ME1: variants seen among roughly 807,000 people sequenced by gnomAD.
ME1 encodes malic enzyme 1.
In ME1, 74 loss-of-function variants were observed where a neutral mutation model predicts 66.4. The observed-to-expected ratio is 1.11, with a 90% CI of 0.92 to 1.35. The LOEUF is 1.35. ME1 is among the 40% of genes most tolerant of loss of function. ME1 has a pLI of 0.00. For missense variants in ME1, 750 were observed against 694.1 expected (o/e 1.08, Z -0.90); for synonymous variants, 251 against 235.6 (o/e 1.07, Z -0.60).
rs1384690488 is a variant in ME1, at chr6:83,283,207, G to A, written c.705-29469C>T. 5.9e-5 allele frequency among the ~76,000 whole-genome samples: 5 copies of A among 84,810 alleles called. 1 individual carries two copies. The highest frequency in any genetic ancestry group is 4.8e-5 in the African/African-American group (1 of 20,870). The allele number at this position is 84,810 out of a possible 152,430, so 55.6% of individuals were successfully genotyped here. On this transcript the variant is annotated intron_variant, in intron 6 of 13. Transcript: ENST00000369705. ...CGCGCCACTGCACTCCAGCCTGGGCGACAGAGCAAGACTCCGTCTCAAAAA... is the reference window on the plus strand; with the variant it reads ...CGCGCCACTGCACTCCAGCCTGGGCAACAGAGCAAGACTCCGTCTCAAAAA...
At chr6:83,296,840 T>C (rs531008304) in intron 6 of ME1, among the ~76,000 whole-genome samples, 6 of 152,282 alleles carry the variant, frequency 3.9e-5, no homozygotes, top group African/African-American at 1.4e-4. Flanking sequence ...AAAATCAATG[T>C]ACAAAAATCA....
At chr6:83,223,516 C>T (rs973277875) in intron 12 of ME1, among the ~76,000 whole-genome samples, 1 of 152,180 alleles carries the variant, frequency 6.6e-6, no homozygotes, top group Non-Finnish European at 1.5e-5. Context: ...TGTGTGAAGA[C>T]ACAAAAATGT....
chr6:83,272,679 AAATGC>A (rs1244949422), intron 6 of ME1, among the ~76,000 whole-genome samples: 1 of 152,190 alleles, frequency 6.6e-6, no homozygotes, highest in East Asian at 1.9e-4. Context: ...TCAAACAACT[AAATGC>A]AAGATAAAGC....
chr6:83,268,118 C>A (rs978810286), intron 6 of ME1, among the ~76,000 whole-genome samples: 2 of 152,070 alleles, frequency 1.3e-5, no homozygotes, highest in African/African-American at 4.8e-5. Context: ...AGCTGAACTG[C>A]AGAACAGATC....
chr6:83,366,044 G>C (rs1223777450), intron 3 of ME1, among the ~76,000 whole-genome samples: 1 of 152,080 alleles, frequency 6.6e-6, no homozygotes, highest in South Asian at 2.1e-4. Context: ...TCCTTGCTTT[G>C]CTCCAATCCT....
chr6:83,331,928 C>G (rs1199720246), intron 5 of ME1, among the ~76,000 whole-genome samples: 1 of 152,056 alleles, frequency 6.6e-6, no homozygotes, highest in East Asian at 1.9e-4. Context: ...AGTCAAATAG[C>G]AAGCCTCAAT....
At chr6:83,392,569 G>A (rs138935361) in intron 3 of ME1, 40 of 557,600 alleles carry the variant, frequency 7.2e-5, no homozygotes, top group Middle Eastern at 5.8e-4. Context: ...GTATAATTCC[G>A]CCCATGGCAA....
At chr6:83,367,956 T>C (rs1485465794) in intron 3 of ME1, among the ~76,000 whole-genome samples, 1 of 152,190 alleles carries the variant, frequency 6.6e-6, no homozygotes, top group African/African-American at 2.4e-5. Context: ...TTCCAGATTT[T>C]GTTTTAAACT....
chr6:83,364,418 G>C (rs1438799346), intron 3 of ME1, among the ~76,000 whole-genome samples: 1 of 152,028 alleles, frequency 6.6e-6, no homozygotes, highest in African/African-American at 2.4e-5. Context: ...CATTAGTTCT[G>C]TCCCTCTAGA....
At chr6:83,290,119 C>CTA (rs1274545607) in intron 6 of ME1, among the ~76,000 whole-genome samples, 1 of 151,980 alleles carries the variant, frequency 6.6e-6, no homozygotes, top group Non-Finnish European at 1.5e-5. Context: ...TTTTGTGTCT[C>CTA]TATCTCCTTC....
chr6:83,247,623 G>T (rs1228065839), intron 7 of ME1, among the ~76,000 whole-genome samples: 2 of 151,802 alleles, frequency 1.3e-5, no homozygotes, highest in Non-Finnish European at 2.9e-5. Flanking sequence ...TATTTTTGTT[G>T]GCACTGGAAT....
chr6:83,427,941 G>A (rs901445651), intron 1 of ME1, among the ~76,000 whole-genome samples: 2 of 151,754 alleles, frequency 1.3e-5, no homozygotes, highest in African/African-American at 4.8e-5. Context: ...GAACCCAGGA[G>A]GTAGAGTTTG....
chr6:83,320,123 A>C (rs1768124110), intron 5 of ME1, among the ~76,000 whole-genome samples: 1 of 152,208 alleles, frequency 6.6e-6, no homozygotes, highest in Non-Finnish European at 1.5e-5. Context: ...ATGTGGAGAA[A>C]GGTCCAGCTG....
intron 6 of ME1, among the ~76,000 whole-genome samples, chr6:83,307,768 T>C (rs1767853407): frequency 6.7e-6 from 1 of 148,200 alleles, no homozygotes; most frequent in African/African-American, 2.6e-5. Flanking sequence ...AAGCCAGGGA[T>C]TTAGTGTAGA....
intron 12 of ME1, among the ~76,000 whole-genome samples, chr6:83,218,483 C>T (rs1054297707): frequency 6.6e-6 from 1 of 152,134 alleles, no homozygotes; most frequent in Non-Finnish European, 1.5e-5. Context: ...GAGAGCCAGA[C>T]AGACAGGGTG....
chr6:83,275,878 T>C (rs1767172233), intron 6 of ME1, among the ~76,000 whole-genome samples: 1 of 143,162 alleles, frequency 7.0e-6, no homozygotes, highest in African/African-American at 2.6e-5. Context: ...GTTCACGCCA[T>C]TCTGCCTCAG....
At chr6:83,409,494 G>A (rs1770006411) in intron 1 of ME1, among the ~76,000 whole-genome samples, 1 of 152,176 alleles carries the variant, frequency 6.6e-6, no homozygotes, top group Non-Finnish European at 1.5e-5. Flanking sequence ...GAATAAACAC[G>A]TCCAAACCCA....
At chr6:83,393,156 C>T (rs1199031840) in intron 3 of ME1, 1 of 1,321,276 alleles carries the variant, frequency 7.6e-7, no homozygotes, top group Non-Finnish European at 1.1e-6. Flanking sequence ...TCTGGAAAAA[C>T]CTACCAAATA....
chr6:83,363,824 A>G (rs1181281180), intron 3 of ME1, among the ~76,000 whole-genome samples: 1 of 152,230 alleles, frequency 6.6e-6, no homozygotes, highest in African/African-American at 2.4e-5. Context: ...ACTGCGCATC[A>G]GCATTTAAGT....
Sources: gnomAD v4.1 joint callset for allele counts (sites outside exome capture counted in the v4.1 genomes callset) on GRCh38, gnomAD v4.1.1 for gene constraint, MANE v1.5 for transcripts, NCBI Gene and HGNC (gene_info 2026-07-23, HGNC 2026-07-21) for gene names.